Variants in SGCG observed in about 807,000 individuals in gnomAD.
SGCG encodes the protein sarcoglycan gamma.
Under a neutral mutation model 29.3 loss-of-function variants are expected in SGCG, and 26 were observed. The ratio of observed to expected loss-of-function variants is 0.89; its 90% CI spans 0.65 to 1.23. The LOEUF (loss-of-function observed/expected upper bound fraction) is 1.23. Ranked by LOEUF, SGCG falls within the 50% of genes most tolerant of loss-of-function variation. The pLI is 0.00. For missense variants in SGCG, 353 were observed against 356.0 expected, an observed-to-expected ratio of 0.99 and a Z score of 0.07; for synonymous variants, 145 against 129.7, an observed-to-expected ratio of 1.12 and a Z score of -0.80.
chr13:23,201,277 AC>A (rs1877744041), intron 1 of SGCG, among the ~76,000 whole-genome samples: 1 of 152,302 alleles, frequency 6.6e-6, no homozygotes, highest in Admixed American at 6.5e-5. Flanking sequence ...GTAAGGGTGA[AC>A]AAAAGCATTA....
In SGCG at chr13:23,319,178, A is replaced by G. The variant is rs565259070; in HGVS notation, c.579-1459A>G. Among the ~76,000 whole-genome samples, 5 of 152,094 alleles carry G rather than the reference A, an allele frequency of 3.3e-5. No homozygotes were observed. The South Asian group carries it at 8.3e-4, about 25-fold the overall frequency. ...CTGGACACGGTGGCGGGTGCCTGTAAACCTAGGTACTTGGGAGGCTGAGGC... is the reference window on the plus strand; with the variant it reads ...CTGGACACGGTGGCGGGTGCCTGTAGACCTAGGTACTTGGGAGGCTGAGGC... On this transcript the variant is annotated intron_variant, in intron 6 of 7. Transcript: ENST00000218867.
intron 3 of SGCG, chr13:23,246,617 T>G (rs1470656277): frequency 7.7e-5 from 16 of 208,266 alleles, no homozygotes; most frequent in Admixed American, 1.7e-4. Flanking sequence ...TTATAATGAC[T>G]ATCAAGAAAG....
chr13:23,199,751 A>G (rs1877663553), intron 1 of SGCG, among the ~76,000 whole-genome samples: 1 of 152,244 alleles, frequency 6.6e-6, no homozygotes, highest in African/African-American at 2.4e-5. Context: ...CTTAAAAAAA[A>G]CAAAGATTGG....
chr13:23,177,826 A>T (rs1017299442), upstream of SGCG, among the ~76,000 whole-genome samples: 1 of 151,408 alleles, frequency 6.6e-6, no homozygotes, highest in Non-Finnish European at 1.5e-5. Flanking sequence ...TGATCTGCTC[A>T]CCTTGGCCTC....
At chr13:23,222,684 A>C (rs978837675) in intron 2 of SGCG, among the ~76,000 whole-genome samples, 1 of 151,776 alleles carries the variant, frequency 6.6e-6, no homozygotes, top group African/African-American at 2.4e-5. Context: ...AAAATTAGCC[A>C]GGCGTAGATG....
chr13:23,164,042 C>G, the SGCG span, among the ~76,000 whole-genome samples: 2 of 152,196 alleles, frequency 1.3e-5, no homozygotes, highest in African/African-American at 4.8e-5. Context: ...TTTCTCTTCT[C>G]TCCTGGTAGG....
At chr13:23,282,805 G>T (rs1282898952) in intron 5 of SGCG, among the ~76,000 whole-genome samples, 2 of 152,192 alleles carry the variant, frequency 1.3e-5, no homozygotes, top group Admixed American at 1.3e-4. Flanking sequence ...TTTTGGTGGA[G>T]GTTGGGGGAG....
chr13:23,160,572 T>G, the SGCG span, among the ~76,000 whole-genome samples: 1 of 152,166 alleles, frequency 6.6e-6, no homozygotes, highest in South Asian at 2.1e-4. Context: ...GGGAGAAGAC[T>G]GTGGTGTCAT....
At chr13:23,163,331 G>A in the SGCG span, among the ~76,000 whole-genome samples, 1 of 152,172 alleles carries the variant, frequency 6.6e-6, no homozygotes, top group Non-Finnish European at 1.5e-5. Flanking sequence ...GTAAGAAAAG[G>A]GTAAAATGAT....
chr13:23,300,528 C>A (rs1007160397), intron 6 of SGCG, among the ~76,000 whole-genome samples: 1 of 152,068 alleles, frequency 6.6e-6, no homozygotes, highest in African/African-American at 2.4e-5. Flanking sequence ...ATCAGCCCAA[C>A]GATGTCACAA....
intron 3 of SGCG, chr13:23,246,314 A>T (rs1287390249): frequency 6.6e-6 from 1 of 152,250 alleles, no homozygotes; most frequent in African/African-American, 2.4e-5. Context: ...CAACGTCCTT[A>T]TGGAGGACAT....
At chr13:23,248,515 G>T (rs1200458237) in intron 3 of SGCG, among the ~76,000 whole-genome samples, 1 of 138,892 alleles carries the variant, frequency 7.2e-6, no homozygotes, top group South Asian at 2.5e-4. Flanking sequence ...CTTGGCTAAC[G>T]CAGTGAAACT....
chr13:23,237,551 A>T (rs2137548882), intron 3 of SGCG, among the ~76,000 whole-genome samples: 1 of 152,368 alleles, frequency 6.6e-6, no homozygotes, highest in Admixed American at 6.5e-5. Context: ...AAAGCAGCAT[A>T]TAAAAAAGTA....
At chr13:23,174,215 A>G in the SGCG span, among the ~76,000 whole-genome samples, 3 of 152,310 alleles carry the variant, frequency 2.0e-5, no homozygotes, top group South Asian at 4.1e-4. Flanking sequence ...ACTGACACCT[A>G]CTCAAGGCCA....
chr13:23,190,782 C>G (rs1173923276), intron 1 of SGCG, among the ~76,000 whole-genome samples: 3 of 152,170 alleles, frequency 2.0e-5, no homozygotes, highest in Non-Finnish European at 2.9e-5. Context: ...AAGTCAGATT[C>G]ACAATTGCAA....
chr13:23,286,533 G>T (rs1593220523), intron 5 of SGCG, among the ~76,000 whole-genome samples: 1 of 152,100 alleles, frequency 6.6e-6, no homozygotes, highest in Admixed American at 6.5e-5. Flanking sequence ...ATCTTCAGGG[G>T]ATACGTTCAA....
upstream of SGCG, among the ~76,000 whole-genome samples, chr13:23,177,768 G>A (rs1027416046): frequency 6.6e-5 from 10 of 151,538 alleles, no homozygotes; most frequent in African/African-American, 2.4e-4. Flanking sequence ...TAGTAGAGGT[G>A]GGGTTTCATC....
chr13:23,208,774 G>A (rs542975252), intron 2 of SGCG, among the ~76,000 whole-genome samples: 8 of 152,070 alleles, frequency 5.3e-5, no homozygotes, highest in East Asian at 3.9e-4. Context: ...TCAGGAACAC[G>A]GTTATTAAAT....
intron 6 of SGCG, among the ~76,000 whole-genome samples, chr13:23,301,627 C>T (rs915805201): frequency 6.6e-6 from 1 of 152,210 alleles, no homozygotes; most frequent in African/African-American, 2.4e-5. Context: ...TGGCTCACGC[C>T]TGTAATCCCA....
Sources: allele counts gnomAD v4.1 joint callset (sites outside exome capture counted in the v4.1 genomes callset), GRCh38; gene constraint gnomAD v4.1.1; transcripts MANE v1.5; gene names NCBI Gene and HGNC (gene_info 2026-07-23, HGNC 2026-07-21).